CHST4: variants seen among roughly 807,000 people sequenced by gnomAD.
The protein encoded by CHST4 is GST-3.
For missense variants in CHST4, 466 were observed against 506.0 expected, an observed-to-expected ratio of 0.92 and a Z score of 0.76; for synonymous variants, 171 against 195.5, an observed-to-expected ratio of 0.87 and a Z score of 1.05.
intron 1 of CHST4, among the ~76,000 whole-genome samples, chr16:71,535,915 G>A (rs2043984189): frequency 1.3e-5 from 2 of 152,192 alleles, no homozygotes; most frequent in Non-Finnish European, 2.9e-5. Context: ...CTAGGGCAAG[G>A]TGAGAAATGG....
Position 71,537,505 on chromosome 16 carries a change from T to C in CHST4, c.828T>C (p.Tyr276=). The C allele has an allele frequency of 1.2e-6, 2 of 1,614,200 alleles. No individual in the cohort carries two copies. The highest frequency in any genetic ancestry group is 1.1e-5 in the South Asian group (1 of 91,082). ...ALQERYLLVR[Y]EDLARAPVAQ... ...AGGAACGCTACCTGCTTGTGCGCTA[T>C]GAGGACCTGGCTCGAGCCCCTGTGG... Residue 276 remains tyrosine, a synonymous_variant, in exon 2 of 2, where the codon TAT becomes TAC. Coordinates refer to ENST00000539698, the MANE Select transcript of CHST4 (RefSeq NM_001166395.2). The surrounding 1 kb of genome is among the most constrained non-coding windows in gnomAD (Gnocchi z 4.2).
In CHST4 at chr16:71,536,672, A is replaced by C; in HGVS notation, c.-6A>C. ...TTGTTCCTTAAAGGTCTTCCACTTC[A>C]GCACAATGCTACTGCCTAAAAAAAT... On this transcript the variant is annotated 5_prime_UTR_variant, in exon 2 of 2. Coordinates refer to ENST00000539698, the MANE Select transcript of CHST4 (RefSeq NM_001166395.2). The C allele has an allele frequency of 6.8e-7, 1 of 1,463,370 alleles. No individual in the cohort carries two copies. The highest frequency in any genetic ancestry group is 9.0e-7 in the Non-Finnish European group (1 of 1,108,898). The allele number at this position is 1,463,370 out of a possible 1,614,324, so 90.6% of individuals were successfully genotyped here.
intron 1 of CHST4, among the ~76,000 whole-genome samples, chr16:71,528,418 G>A (rs2043923887): frequency 6.6e-6 from 1 of 151,896 alleles, no homozygotes; most frequent in South Asian, 2.1e-4. Context: ...CTTGTCATTT[G>A]TTGAAAGATG....
At position 71,537,548 on chromosome 16, in the gene CHST4, T is replaced by G. The variant is rs759923227; in HGVS notation, c.871T>G (p.Tyr291Asp). ...RAPVAQTSRM[Y>D]EFVGLEFLPH... Reference sequence around the variant, plus strand: ...CCCTGTGGCCCAGACTTCCCGAATGTATGAATTCGTGGGATTGGAATTCTT... The same window carrying G: ...CCCTGTGGCCCAGACTTCCCGAATGGATGAATTCGTGGGATTGGAATTCTT... Residue 291 changes from tyrosine to aspartate, a missense_variant, in exon 2 of 2, where the codon TAT (tyrosine) becomes GAT (aspartate). Coordinates refer to ENST00000539698, the MANE Select transcript of CHST4 (RefSeq NM_001166395.2). The surrounding 1 kb of genome is among the most constrained non-coding windows in gnomAD (Gnocchi z 4.2). 6.2e-7 allele frequency: 1 copy of G among 1,614,208 alleles called. No individual in the cohort carries two copies. The highest frequency in any genetic ancestry group is 2.2e-5 in the East Asian group (1 of 44,872).
intron 1 of CHST4, among the ~76,000 whole-genome samples, chr16:71,527,748 A>G (rs2043919161): frequency 6.6e-6 from 1 of 152,074 alleles, no homozygotes; most frequent in Non-Finnish European, 1.5e-5. Context: ...CCATCTCAAA[A>G]AAGAAAAAAG....
chr16:71,536,044 A>T (rs533550230), intron 1 of CHST4, among the ~76,000 whole-genome samples: 1 of 152,276 alleles, frequency 6.6e-6, no homozygotes, highest in Non-Finnish European at 1.5e-5. Context: ...TGAGGAGACA[A>T]TTCCAACTAA....
In CHST4 at chr16:71,533,284, G is replaced by T. The variant is rs2043961380; in HGVS notation, c.-18-3376G>T. ...TACTAAAAATACAAAAATTAGCCGG[G>T]CGTGGTGGTGTGCGCCTGTAGTCTC... On this transcript the variant is annotated intron_variant, in intron 1 of 1. Coordinates refer to ENST00000539698, the MANE Select transcript of CHST4 (RefSeq NM_001166395.2). Among the ~76,000 whole-genome samples, 3 of 152,024 alleles carry T rather than the reference G, an allele frequency of 2.0e-5. No individual in the cohort carries two copies. In the South Asian group the frequency reaches 6.2e-4, roughly 32 times the overall value.
At chr16:71,532,545 G>A (rs1159739321) in intron 1 of CHST4, among the ~76,000 whole-genome samples, 1 of 152,114 alleles carries the variant, frequency 6.6e-6, no homozygotes, top group Non-Finnish European at 1.5e-5. Flanking sequence ...GCCACCCAAG[G>A]TTTGGCTTGA....
chr16:71,527,027 T>TTTA (rs2145199647), intron 1 of CHST4, among the ~76,000 whole-genome samples: 1 of 152,334 alleles, frequency 6.6e-6, no homozygotes, highest in East Asian at 1.9e-4. Context: ...GTTTAGTTTA[T>TTTA]TTATTCTGAA....
chr16:71,533,394 T>G (rs1432012437), intron 1 of CHST4, among the ~76,000 whole-genome samples: 1 of 142,280 alleles, frequency 7.0e-6, no homozygotes, highest in African/African-American at 2.6e-5. Context: ...CAGTGTGTAC[T>G]GCAGCCTGGG....
Position 71,537,312 on chromosome 16 carries a change from G to C in CHST4, c.635G>C (p.Arg212Pro). 6.2e-7 allele frequency: 1 copy of C among 1,614,194 alleles called. No homozygotes were observed. Among genetic ancestry groups the C allele is most frequent in the Non-Finnish European group, 8.5e-7 (1 of 1,180,028 alleles). Reference protein sequence around the residue: ...HLVRDPRAVFRSRERTKGDLM... With the variant: ...HLVRDPRAVFPSRERTKGDLM... ...GTCCGGGACCCCCGGGCCGTGTTCC[G>C]TTCCCGAGAACGCACAAAGGGAGAT... Residue 212 changes from arginine to proline, a missense_variant, in exon 2 of 2, where the codon CGT becomes CCT. By Grantham distance (103) the Arg-to-Pro change is moderately radical. Coordinates refer to ENST00000539698, the MANE Select transcript of CHST4 (RefSeq NM_001166395.2). This position sits in a 1 kb window ranked among gnomAD's most constrained non-coding sequence, Gnocchi z 4.2.
At chr16:71,532,046 T>TTG (rs1488400316) in intron 1 of CHST4, among the ~76,000 whole-genome samples, 2 of 113,756 alleles carry the variant, frequency 1.8e-5, no homozygotes, top group Admixed American at 8.7e-5. Flanking sequence ...GCTGGTCCTG[T>TTG]TGTTTTTTTT....
intron 1 of CHST4, among the ~76,000 whole-genome samples, chr16:71,530,806 C>A (rs141151870): frequency 7.1e-6 from 1 of 140,136 alleles, no homozygotes; most frequent in African/African-American, 2.7e-5. Flanking sequence ...TTGGGCCAGG[C>A]GTGGTGGCTC....
chr16:71,537,356 A>G lies in CHST4; in HGVS notation c.679A>G (p.Ile227Val), dbSNP rs1431364244. ...GGGAGATCTCATGATTGACAGTCGC[A>G]TTGTGATGGGGCAGCATGAGCAAAA... ...TKGDLMIDSRIVMGQHEQKLK... is the reference protein window; with the variant it reads ...TKGDLMIDSRVVMGQHEQKLK... Residue 227 changes from isoleucine (I) to valine (V), a missense_variant, in exon 2 of 2, where the codon ATT becomes GTT. Coordinates refer to ENST00000539698, the MANE Select transcript of CHST4 (RefSeq NM_001166395.2). This position sits in a 1 kb window ranked among gnomAD's most constrained non-coding sequence, Gnocchi z 4.2. The G allele has an allele frequency of 6.8e-6, 11 of 1,614,136 alleles. No individual in the cohort carries two copies. Among genetic ancestry groups the G allele is most frequent in the South Asian group, 1.1e-5 (1 of 91,078 alleles).
intron 1 of CHST4, among the ~76,000 whole-genome samples, chr16:71,531,986 T>C (rs1234706735): frequency 2.9e-4 from 44 of 151,862 alleles, no homozygotes; most frequent in Non-Finnish European, 7.4e-5. Context: ...GCTTAGTTTC[T>C]AATCATTTTC....
chr16:71,535,688 T>C (rs2043982009), intron 1 of CHST4, among the ~76,000 whole-genome samples: 1 of 152,114 alleles, frequency 6.6e-6, no homozygotes, highest in Non-Finnish European at 1.5e-5. Context: ...GTGTCCCCAG[T>C]GAGAGTGATA....
intron 1 of CHST4, among the ~76,000 whole-genome samples, chr16:71,536,152 C>T (rs1173297532): frequency 1.3e-5 from 2 of 152,140 alleles, no homozygotes; most frequent in African/African-American, 4.8e-5. Flanking sequence ...GAGACACAGT[C>T]TTGGTTGCAG....
Position 71,537,834 on chromosome 16 carries a change from A to T in CHST4, c.1157A>T (p.His386Leu), listed in dbSNP as rs139223503. The part of the protein sequence containing the change: ...LSTWTVPEQI[H>L] ...ACCTGGACTGTCCCTGAGCAAATCC[A>T]CTAAGAGGGTTGAGAAGGCTTTGCT... The change falls in exon 2 of 2, where the codon CAC becomes CTC. Residue 386 changes from histidine (H) to leucine (L), a missense_variant. By Grantham distance (99) the His-to-Leu change is moderately conservative. Coordinates refer to ENST00000539698, the MANE Select transcript of CHST4 (RefSeq NM_001166395.2). This position sits in a 1 kb window ranked among gnomAD's most constrained non-coding sequence, Gnocchi z 4.2. 413 of 1,606,644 alleles carry T rather than the reference A, an allele frequency of 2.6e-4. 1 individual carries two copies. The African/African-American group carries it at 4.4e-3, about 17-fold the overall frequency.
chr16:71,537,227 C>G lies in CHST4; in HGVS notation c.550C>G (p.Leu184Val). ...GCTCAAGGAGGTGCGCTTCTTCAAC[C>G]TGCAGTCCCTCTACCCGCTGCTGAA... ...VVLKEVRFFN[L>V]QSLYPLLKDP... Residue 184 changes from leucine (L) to valine (V), a missense_variant, in exon 2 of 2, where the codon CTG becomes GTG. By Grantham distance (32) the Leu-to-Val change is conservative (BLOSUM62 1). Transcript: ENST00000539698. The surrounding 1 kb of genome is among the most constrained non-coding windows in gnomAD (Gnocchi z 4.2). The G allele has an allele frequency of 6.2e-7, 1 of 1,614,222 alleles. No individual in the cohort carries two copies. The highest frequency in any genetic ancestry group is 8.5e-7 in the Non-Finnish European group (1 of 1,180,040).
Sources: allele counts gnomAD v4.1 joint callset (sites outside exome capture counted in the v4.1 genomes callset), GRCh38; gene constraint gnomAD v4.1.1; non-coding constraint Gnocchi (gnomAD v3.1); transcripts MANE v1.5; gene names NCBI Gene and HGNC (gene_info 2026-07-23, HGNC 2026-07-21).